The following LRR1 variants were observed in gnomAD, a reference collection of about 807,000 sequenced individuals.
The protein encoded by LRR1 is leucine-rich repeat protein 1.
Under a neutral mutation model 31.6 loss-of-function variants are expected in LRR1, and 29 were observed. That is an observed-to-expected ratio of 0.92 (90% CI 0.68 to 1.25). The LOEUF is 1.25. LRR1 is among the 50% of genes most tolerant of loss of function. The probability of loss-of-function intolerance (pLI) is 0.00; values close to 1 mark genes in which losing one functional copy is unlikely to be tolerated. For synonymous variants in LRR1, 179 were observed against 181.4 expected, an observed-to-expected ratio of 0.99 and a Z score of 0.10; for missense variants, 485 against 487.2, an observed-to-expected ratio of 1.00 and a Z score of 0.04.
chr14:49,607,668 T>C lies in LRR1; in HGVS notation c.551T>C (p.Leu184Ser). ...LCLKSLRKLD[L>S]SHNHIKKLPA... ...TTAAAAAGCCTTAGGAAATTAGACT[T>C]GAGTCACAACCATATAAAAAAGCTT... Residue 184 changes from leucine to serine, a missense_variant, in exon 3 of 4, where the codon TTG (leucine) becomes TCG (serine). Physicochemically the swap from Leu to Ser is moderately radical, Grantham distance 145. Around this residue, in one of 3 missense-constraint regions of LRR1, gnomAD observed 260 missense variants for 249.6 expected, o/e 1.04. Coordinates refer to ENST00000298288, the MANE Select transcript of LRR1 (RefSeq NM_152329.4). The C allele has an allele frequency of 3.1e-6, 5 of 1,613,598 alleles. No homozygotes were observed. Among genetic ancestry groups the C allele is most frequent in the Non-Finnish European group, 4.2e-6 (5 of 1,179,906 alleles).
At chr14:49,607,360 T>G (rs1293114523) in intron 2 of LRR1, 40 bp from the exon 3 acceptor site, 13 of 1,507,958 alleles carry the variant, frequency 8.6e-6, no homozygotes, top group Non-Finnish European at 1.2e-5. Context: ...ATGTATTATC[T>G]CCAGTGGAAT....
In LRR1 at chr14:49,601,230, A is replaced by G. The variant is rs187255267; in HGVS notation, c.184-1140A>G. On this transcript the variant is annotated intron_variant, in intron 1 of 3. Coordinates refer to ENST00000298288, the MANE Select transcript of LRR1 (RefSeq NM_152329.4). Reference sequence around the variant, plus strand: ...AGCTTAATGTGCTTTCTTAAAAAAAATCAGGTCACAGCATCCTGCACTTGC... The same window carrying G: ...AGCTTAATGTGCTTTCTTAAAAAAAGTCAGGTCACAGCATCCTGCACTTGC... The G allele has an allele frequency of 4.9e-6, 7 of 1,416,508 alleles. No homozygotes were observed. The Admixed American group carries it at 1.2e-4, about 25-fold the overall frequency. The allele number at this position is 1,416,508 out of a possible 1,614,324, so 87.7% of individuals were successfully genotyped here.
In LRR1 at chr14:49,614,450, T is replaced by G; in HGVS notation, c.1199T>G (p.Phe400Cys). ...GGTEAPIISY[F>C]CSLGCYVNSS... ...ACTGAAGCACCTATTATCTCTTATT[T>G]CTGTTCTCTAGGCTGTTATGTTAAT... The change falls in exon 4 of 4, where the codon TTC (phenylalanine) becomes TGC (cysteine). Residue 400 changes from phenylalanine to cysteine, a missense_variant. Physicochemically the swap from Phe to Cys is radical, Grantham distance 205. Around this residue, in one of 3 missense-constraint regions of LRR1, gnomAD observed 210 missense variants for 200.4 expected, o/e 1.05. Transcript: ENST00000298288. 1 of 1,614,026 alleles carries G rather than the reference T, an allele frequency of 6.2e-7. No individual in the cohort carries two copies. The highest frequency in any genetic ancestry group is 8.5e-7 in the Non-Finnish European group (1 of 1,179,940).
Position 49,599,199 on chromosome 14 carries a change from A to C in LRR1, c.179A>C (p.Tyr60Ser). 6.2e-7 allele frequency: 1 copy of C among 1,604,572 alleles called. No homozygotes were observed. The highest frequency in any genetic ancestry group is 1.1e-5 in the South Asian group (1 of 89,324). Reference sequence around the variant, plus strand: ...CTGAAGGACAAGCGCGGGACCCGCTATGAGGTGCGTGAAGTGGGCAGGCCC... The same window carrying C: ...CTGAAGGACAAGCGCGGGACCCGCTCTGAGGTGCGTGAAGTGGGCAGGCCC... ...STLKDKRGTR[Y>S]ELRENIEQFF... The change falls in exon 1 of 4, where the codon TAT (tyrosine) becomes TCT (serine). Residue 60 changes from tyrosine (Y) to serine (S), a missense_variant. Tyr to Ser is a moderately radical substitution (Grantham distance 144). This residue lies in a region of LRR1 where 260 missense variants were observed against 249.6 expected (regional missense o/e 1.04). Transcript: ENST00000298288.
chr14:49,603,924 C>T (rs141775232), intron 2 of LRR1, among the ~76,000 whole-genome samples: 1 of 150,940 alleles, frequency 6.6e-6, no homozygotes, highest in Non-Finnish European at 1.5e-5. Context: ...AACTCCTGAC[C>T]TCGTGATCCG....
chr14:49,599,348 A>G (rs1333778909), intron 1 of LRR1, 145 bp downstream of exon 1: 3 of 896,968 alleles, frequency 3.3e-6, no homozygotes, highest in African/African-American at 3.4e-5. Flanking sequence ...GAGACCTACC[A>G]TCAGCCCGAC....
Position 49,614,248 on chromosome 14 carries a change from T to C in LRR1, c.1005-8T>C. The C allele has an allele frequency of 1.9e-6, 3 of 1,608,582 alleles. No individual in the cohort carries two copies. The highest frequency in any genetic ancestry group is 2.5e-6 in the Non-Finnish European group (3 of 1,177,842). On this transcript the variant is annotated splice_region_variant and splice_polypyrimidine_tract_variant and intron_variant, in intron 3 of 3. Coordinates refer to ENST00000298288, the MANE Select transcript of LRR1 (RefSeq NM_152329.4). ...GTTATAAAATATTTTTATCATTCTT[T>C]CCAATAGGATTCCATATGGCTCTCA...
intron 2 of LRR1, among the ~76,000 whole-genome samples, chr14:49,604,166 CGTGG>C (rs1385907205): frequency 6.6e-6 from 1 of 151,124 alleles, no homozygotes; most frequent in Non-Finnish European, 1.5e-5. Context: ...ATTAGCCAGG[CGTGG>C]TTTTCACACC....
intron 1 of LRR1, among the ~76,000 whole-genome samples, chr14:49,599,578 C>T (rs1881955790): frequency 6.6e-6 from 1 of 152,178 alleles, no homozygotes; most frequent in Admixed American, 6.5e-5. Context: ...AACTGCAGTT[C>T]TGTTCAGTGA....
Position 49,614,152 on chromosome 14 carries a change from CGCTT to C in LRR1, c.1005-103_1005-100del, listed in dbSNP as rs200300155. 145 of 1,132,108 alleles carry C rather than the reference CGCTT, an allele frequency of 1.3e-4. No individual in the cohort carries two copies. In the East Asian group the frequency reaches 3.0e-3, roughly 23 times the overall value. The allele number at this position is 1,132,108 out of a possible 1,614,324, so 70.1% of individuals were successfully genotyped here. ...TTTAGTATATTTTAAATATACTAATCGCTTAATAATTTTACTTTTCATTGTTAAA... is the reference window on the plus strand; with the variant it reads ...TTTAGTATATTTTAAATATACTAATCAATAATTTTACTTTTCATTGTTAAA... On this transcript the variant is annotated intron_variant, in intron 3 of 3. Coordinates refer to ENST00000298288, the MANE Select transcript of LRR1 (RefSeq NM_152329.4).
chr14:49,602,623 T>C (rs937504092), intron 2 of LRR1, among the ~76,000 whole-genome samples, 155 bp downstream of exon 2: 3 of 152,040 alleles, frequency 2.0e-5, no homozygotes, highest in African/African-American at 7.2e-5. Context: ...CCTGAATATC[T>C]GGGACTAAAG....
At chr14:49,613,802 G>A (rs1882602942) in intron 3 of LRR1, among the ~76,000 whole-genome samples, 3 of 152,198 alleles carry the variant, frequency 2.0e-5, no homozygotes, top group African/African-American at 7.2e-5. Context: ...GTCAAAGCGA[G>A]ACTCTGTCTC....
chr14:49,613,201 T>C (rs949980963), intron 3 of LRR1, among the ~76,000 whole-genome samples: 1 of 152,018 alleles, frequency 6.6e-6, no homozygotes, highest in African/African-American at 2.4e-5. Context: ...TAGCCAGGCG[T>C]GGTGGCGGGC....
Position 49,607,551 on chromosome 14 carries a change from A to G in LRR1, c.434A>G (p.Asp145Gly). The part of the protein sequence containing the change: ...KTKMVITSKK[D>G]YPLSKNFPYS... ...AAAATGGTTATCACATCCAAAAAAG[A>G]CTATCCTCTAAGTAAGAATTTTCCA... Residue 145 changes from aspartate to glycine, a missense_variant, in exon 3 of 4, where the codon GAC becomes GGC. By Grantham distance (94) the Asp-to-Gly change is moderately conservative. Coordinates refer to ENST00000298288, the MANE Select transcript of LRR1 (RefSeq NM_152329.4). The G allele has an allele frequency of 6.2e-7, 1 of 1,614,150 alleles. No homozygotes were observed.
At chr14:49,601,407 A>C (rs1882045243) in intron 1 of LRR1, 1 of 507,848 alleles carries the variant, frequency 2.0e-6, no homozygotes, top group Non-Finnish European at 3.5e-6. Context: ...TGGGTTCTGA[A>C]TCAATAGTTG....
chr14:49,599,396 AG>A (rs1881947983), intron 1 of LRR1, among the ~76,000 whole-genome samples, 193 bp downstream of exon 1: 1 of 152,230 alleles, frequency 6.6e-6, no homozygotes, highest in East Asian at 1.9e-4. Flanking sequence ...ACCCGAAAGA[AG>A]AAAGCTTTGA....
chr14:49,599,487 A>G (rs1042070790), intron 1 of LRR1, among the ~76,000 whole-genome samples: 2 of 152,244 alleles, frequency 1.3e-5, no homozygotes, highest in African/African-American at 4.8e-5. Flanking sequence ...GTGGATGGCA[A>G]TCCCGCCTGT....
At chr14:49,613,969 G>C (rs1316804466) in intron 3 of LRR1, among the ~76,000 whole-genome samples, 1 of 152,158 alleles carries the variant, frequency 6.6e-6, no homozygotes, top group Non-Finnish European at 1.5e-5. Context: ...GTCTTAGAGA[G>C]TTTAAGTTTC....
At position 49,602,351 on chromosome 14, in the gene LRR1, T is replaced by A. The variant is rs1355435756; in HGVS notation, c.184-19T>A. On this transcript the variant is annotated intron_variant, in intron 1 of 3. Coordinates refer to ENST00000298288, the MANE Select transcript of LRR1 (RefSeq NM_152329.4). ...ACAATAATTAGTTTTCTTCTTTTTT[T>A]TCTATTGGTTTTATGCAGCTAAGGG... 6.3e-7 allele frequency: 1 copy of A among 1,589,208 alleles called. No homozygotes were observed. Among genetic ancestry groups the A allele is most frequent in the Non-Finnish European group, 8.6e-7 (1 of 1,160,746 alleles).
Sources: gnomAD v4.1 joint callset for allele counts (sites outside exome capture counted in the v4.1 genomes callset) on GRCh38, gnomAD v4.1.1 for gene constraint, gnomAD v4.1.1 regional missense constraint, MANE v1.5 for transcripts, NCBI Gene and HGNC (gene_info 2026-07-23, HGNC 2026-07-21) for gene names.